The following FABP7 variants were observed in gnomAD, a reference collection of about 807,000 sequenced individuals.
FABP7 encodes the protein fatty acid binding protein 7, also known as fatty acid-binding protein, brain.
A neutral mutation model predicts 14.2 loss-of-function variants in FABP7; 13 were observed. The ratio of observed to expected loss-of-function variants is 0.91; its 90% CI spans 0.59 to 1.45. The LOEUF (loss-of-function observed/expected upper bound fraction) is 1.45. Ranked by LOEUF, FABP7 falls within the 40% of genes most tolerant of loss-of-function variation. The pLI is 0.00. For synonymous variants in FABP7, 49 were observed against 51.4 expected (o/e 0.95, Z 0.20); for missense variants, 149 against 157.6 (o/e 0.95, Z 0.29).
At chr6:122,776,999 C>T (rs1416057024), upstream of FABP7, among the ~76,000 whole-genome samples, 3 of 152,110 alleles carry the variant, frequency 2.0e-5, no homozygotes, top group African/African-American at 7.2e-5. Context: ...AATATATGCT[C>T]TACGAATAAA....
At chr6:122,753,565 G>C in the FABP7 span, among the ~76,000 whole-genome samples, 1 of 152,080 alleles carries the variant, frequency 6.6e-6, no homozygotes. Flanking sequence ...TACACACAGT[G>C]GGTACTGTCA....
At chr6:122,777,748 C>A (rs1780699389), upstream of FABP7, among the ~76,000 whole-genome samples, 1 of 151,904 alleles carries the variant, frequency 6.6e-6, no homozygotes, top group Non-Finnish European at 1.5e-5. Context: ...ACTCAGAGGG[C>A]TGATGTGGGA....
At chr6:122,763,637 C>A in the FABP7 span, among the ~76,000 whole-genome samples, 2 of 152,024 alleles carry the variant, frequency 1.3e-5, no homozygotes, top group African/African-American at 4.8e-5. Context: ...TGCAATCTAC[C>A]CATCTGACAA....
upstream of FABP7, among the ~76,000 whole-genome samples, chr6:122,775,870 A>T (rs1562337679): frequency 6.6e-6 from 1 of 152,014 alleles, no homozygotes; most frequent in African/African-American, 2.4e-5. Flanking sequence ...AAATTATCTG[A>T]TTGAAAATTA....
At chr6:122,754,058 T>C in the FABP7 span, among the ~76,000 whole-genome samples, 4 of 152,118 alleles carry the variant, frequency 2.6e-5, no homozygotes, top group South Asian at 2.1e-4. Flanking sequence ...AATTTAGTTA[T>C]AGGAAGTCAG....
chr6:122,772,531 C>T, the FABP7 span, among the ~76,000 whole-genome samples: 17,281 of 152,120 alleles, frequency 0.11, 1,079 homozygotes, highest in African/African-American at 0.16. Flanking sequence ...AATTCTCATG[C>T]CTCAGCCACC....
chr6:122,780,008 AC>A lies in FABP7; in HGVS notation c.73+142del, dbSNP rs887869186. 3.5e-6 allele frequency: 3 copies of A among 865,902 alleles called. No homozygotes were observed. The African/African-American group carries it at 5.1e-5, about 15-fold the overall frequency. The allele number at this position is 865,902 out of a possible 1,614,324, so 53.6% of individuals were successfully genotyped here. A position where few individuals can be genotyped will look rare whatever the true frequency, so the allele number is the denominator to read the frequency against. The stretch of plus-strand genomic sequence containing the variant: ...TCAGATGCTAGGCTATGCATTTTCC[AC>A]TGAATGGATTTTTAATGTGGCACTT... On this transcript the variant is annotated intron_variant, in intron 1 of 3. Transcript: ENST00000368444.
the FABP7 span, among the ~76,000 whole-genome samples, chr6:122,751,538 C>A: frequency 5.3e-5 from 8 of 152,208 alleles, no homozygotes; most frequent in Admixed American, 5.2e-4. Flanking sequence ...TCTGGTTTCA[C>A]TTTACACTTA....
the FABP7 span, among the ~76,000 whole-genome samples, chr6:122,757,280 A>G: frequency 0.077 from 11,664 of 152,146 alleles, 550 homozygotes; most frequent in Middle Eastern, 0.15. Flanking sequence ...TGGAATTACA[A>G]TTCAATCAGT....
chr6:122,781,222 CTTGT>C (rs754850313), intron 3 of FABP7, 28 bp downstream of exon 3: 11 of 1,611,754 alleles, frequency 6.8e-6, no homozygotes, highest in African/African-American at 2.7e-5. Flanking sequence ...TCCATTCTTC[CTTGT>C]TTTTTTCTCC....
the FABP7 span, among the ~76,000 whole-genome samples, chr6:122,760,561 C>A: frequency 6.6e-6 from 1 of 150,822 alleles, no homozygotes; most frequent in African/African-American, 2.4e-5. Context: ...TCTGTTCCTG[C>A]CTTCTTTTAG....
chr6:122,752,074 A>G, the FABP7 span, among the ~76,000 whole-genome samples: 1 of 145,520 alleles, frequency 6.9e-6, no homozygotes. Context: ...TTCCACCCCT[A>G]ACCCCACCAC....
chr6:122,764,229 TC>T, the FABP7 span, among the ~76,000 whole-genome samples: 3 of 152,196 alleles, frequency 2.0e-5, no homozygotes, highest in Admixed American at 6.5e-5. Context: ...TGAGTTCATG[TC>T]CTTTGTAGGG....
chr6:122,756,107 G>A, the FABP7 span, among the ~76,000 whole-genome samples: 1 of 152,170 alleles, frequency 6.6e-6, no homozygotes, highest in Non-Finnish European at 1.5e-5. Flanking sequence ...ACGGGAGAGA[G>A]CAGATGATTA....
At chr6:122,779,976 G>T (rs1780742614) in intron 1 of FABP7, 109 bp downstream of exon 1, 3 of 1,046,094 alleles carry the variant, frequency 2.9e-6, no homozygotes, top group Admixed American at 2.0e-5. Flanking sequence ...AGATCACATT[G>T]CCCTGATCAG....
chr6:122,768,591 T>A, the FABP7 span, among the ~76,000 whole-genome samples: 1 of 152,174 alleles, frequency 6.6e-6, no homozygotes, highest in East Asian at 1.9e-4. Flanking sequence ...TCCTAGGCTT[T>A]GTTTCGAAAG....
chr6:122,775,151 C>A (rs923992715), upstream of FABP7, among the ~76,000 whole-genome samples: 1 of 151,928 alleles, frequency 6.6e-6, no homozygotes, highest in Admixed American at 6.6e-5. Flanking sequence ...AAAAATAAAT[C>A]CTAAAATTCA....
At chr6:122,758,606 C>T in the FABP7 span, among the ~76,000 whole-genome samples, 2 of 152,082 alleles carry the variant, frequency 1.3e-5, no homozygotes, top group East Asian at 3.9e-4. Context: ...TATAGGATGA[C>T]TTGAAATGTG....
the FABP7 span, among the ~76,000 whole-genome samples, chr6:122,766,233 A>C: frequency 2.6e-5 from 4 of 152,104 alleles, no homozygotes; most frequent in African/African-American, 9.7e-5. Flanking sequence ...CATATTCATT[A>C]GTTGCTGCTT....
Sources: gnomAD v4.1 joint callset for allele counts (sites outside exome capture counted in the v4.1 genomes callset) on GRCh38, gnomAD v4.1.1 for gene constraint, MANE v1.5 for transcripts, NCBI Gene and HGNC (gene_info 2026-07-23, HGNC 2026-07-21) for gene names.